The following PDE3A variants were observed in gnomAD, a reference collection of about 807,000 sequenced individuals.
PDE3A encodes the protein cGMP-inhibited 3',5'-cyclic phosphodiesterase 3A.
Under a neutral mutation model 98.3 loss-of-function variants are expected in PDE3A, and 43 were observed. The observed-to-expected ratio is 0.44, with a 90% CI of 0.34 to 0.56. The LOEUF (loss-of-function observed/expected upper bound fraction) is 0.56. PDE3A is among the 20% of genes least tolerant of loss of function. The pLI, the probability that PDE3A is intolerant of heterozygous loss-of-function variation, is 0.01. For missense variants in PDE3A, 1,427 were observed against 1,440.7 expected, an observed-to-expected ratio of 0.99 and a Z score of 0.15; for synonymous variants, 663 against 567.9, an observed-to-expected ratio of 1.17 and a Z score of -2.38.
intron 1 of PDE3A, among the ~76,000 whole-genome samples, chr12:20,383,864 A>T (rs548086545): frequency 2.6e-5 from 4 of 152,070 alleles, no homozygotes; most frequent in Admixed American, 6.6e-5. Flanking sequence ...CAAAGAAAGG[A>T]TGTTACCAGC....
chr12:20,421,503 G>A (rs547339747), intron 1 of PDE3A, among the ~76,000 whole-genome samples: 1 of 151,542 alleles, frequency 6.6e-6, no homozygotes, highest in South Asian at 2.1e-4. Flanking sequence ...CAATTATGTT[G>A]CCATCTATCT....
At chr12:20,371,291 G>C in intron 1 of PDE3A, 1 of 918,848 alleles carries the variant, frequency 1.1e-6, no homozygotes, top group Non-Finnish European at 1.3e-6. Flanking sequence ...GCATACCGAA[G>C]GGTATGCCTC....
chr12:20,368,958 G>T lies in PDE3A; in HGVS notation c.-327G>T, dbSNP rs1943399631. Among the ~76,000 whole-genome samples, 1 of 152,132 alleles carries T rather than the reference G, an allele frequency of 6.6e-6. No individual in the cohort carries two copies. The highest frequency in any genetic ancestry group is 2.4e-5 in the African/African-American group (1 of 41,450). ...GAGACCCCGGAGGATATAAGTCGGGGGTGGGGGTGGAGCAGAGAATCTGTG... is the reference window on the plus strand; with the variant it reads ...GAGACCCCGGAGGATATAAGTCGGGTGTGGGGGTGGAGCAGAGAATCTGTG... On this transcript the variant is annotated 5_prime_UTR_variant, in exon 1 of 16. Transcript: ENST00000359062.
chr12:20,377,540 T>C (rs1943594183), intron 1 of PDE3A, among the ~76,000 whole-genome samples: 1 of 151,812 alleles, frequency 6.6e-6, no homozygotes, highest in Non-Finnish European at 1.5e-5. Flanking sequence ...TCTATATTTT[T>C]AAAGATTTGT....
At position 20,369,246 on chromosome 12, in the gene PDE3A, G is replaced by A. The variant is rs990244685; in HGVS notation, c.-39G>A. 2 of 1,441,324 alleles carry A rather than the reference G, an allele frequency of 1.4e-6. No homozygotes were observed. The highest frequency in any genetic ancestry group is 1.4e-5 in the African/African-American group (1 of 70,034). 89.3% of individuals were successfully genotyped at this position (1,441,324 alleles called of 1,614,324 possible). A position where few individuals can be genotyped will look rare whatever the true frequency, so the allele number is the denominator to read the frequency against. ...GCGTGGGTCGGGGCGGGGGCGTCGG[G>A]GGGCCACTGGGAATTCAGTGAAGAG... On this transcript the variant is annotated 5_prime_UTR_variant, in exon 1 of 16. Coordinates refer to ENST00000359062, the MANE Select transcript of PDE3A (RefSeq NM_000921.5).
chr12:20,486,737 A>G (rs1312116115), intron 1 of PDE3A, among the ~76,000 whole-genome samples: 1 of 152,174 alleles, frequency 6.6e-6, no homozygotes, highest in Admixed American at 6.6e-5. Context: ...AGGTTCAAGC[A>G]ATTCTCATGC....
intron 1 of PDE3A, among the ~76,000 whole-genome samples, chr12:20,385,983 T>TAATATATATATATATAAATATATATATA (rs1565532260): frequency 1.4e-5 from 1 of 69,900 alleles, no homozygotes; most frequent in African/African-American, 5.0e-5. Flanking sequence ...TATTAATATA[T>TAATATATATATATATAAATATATATATA]AATATATATA....
At chr12:20,658,119 T>C (rs547072518) in intron 15 of PDE3A, among the ~76,000 whole-genome samples, 14 of 152,232 alleles carry the variant, frequency 9.2e-5, no homozygotes, top group Non-Finnish European at 1.9e-4. Flanking sequence ...TAATTTTTAA[T>C]TTGCTTTAAA....
At chr12:20,540,851 C>T in intron 1 of PDE3A, among the ~76,000 whole-genome samples, 1 of 151,950 alleles carries the variant, frequency 6.6e-6, no homozygotes, top group East Asian at 1.9e-4. Flanking sequence ...TTCTGGAATG[C>T]AATCAATGGT....
rs57410804 is a variant in PDE3A at position 20,403,051 on chromosome 12, A to T, written c.960+32807A>T. Among the ~76,000 whole-genome samples the T allele has an allele frequency of 1.1e-3, 174 of 152,332 alleles. 2 individuals are homozygous for T. The highest frequency in any genetic ancestry group is 4.2e-3 in the African/African-American group (173 of 41,576). On this transcript the variant is annotated intron_variant, in intron 1 of 15. Transcript: ENST00000359062. ...GTCTCATTTTTCTTTCTCCTTAAGG[A>T]ATGCCATCACATGAATTTTTATTGT...
At chr12:20,542,964 G>T (rs1046690231) in intron 1 of PDE3A, among the ~76,000 whole-genome samples, 3 of 151,962 alleles carry the variant, frequency 2.0e-5, no homozygotes, top group African/African-American at 2.4e-5. Context: ...TAATAAATGA[G>T]GCCTTTATTT....
chr12:20,575,700 A>C (rs1942913089), intron 2 of PDE3A, among the ~76,000 whole-genome samples: 1 of 151,988 alleles, frequency 6.6e-6, no homozygotes, highest in Non-Finnish European at 1.5e-5. Context: ...GTTAGGTCAC[A>C]AGGTCCTGTT....
chr12:20,587,686 G>A (rs529369310), intron 2 of PDE3A, among the ~76,000 whole-genome samples: 2 of 152,326 alleles, frequency 1.3e-5, no homozygotes, highest in African/African-American at 4.8e-5. Flanking sequence ...ATGGTTGAAA[G>A]AAGTATATAT....
At chr12:20,640,081 C>T in intron 10 of PDE3A, 124 bp downstream of exon 10, 1 of 545,232 alleles carries the variant, frequency 1.8e-6, no homozygotes, top group South Asian at 2.1e-5. Context: ...AATATGGAGA[C>T]ATCATATGGT....
chr12:20,668,751 A>T (rs1228465938), intron 15 of PDE3A, among the ~76,000 whole-genome samples: 106 of 151,486 alleles, frequency 7.0e-4, no homozygotes, highest in African/African-American at 2.4e-3. Context: ...GATGGGGAAA[A>T]AACAGAACAG....
chr12:20,462,454 G>C (rs1312524904), intron 1 of PDE3A, among the ~76,000 whole-genome samples: 4 of 152,156 alleles, frequency 2.6e-5, no homozygotes, highest in African/African-American at 9.7e-5. Flanking sequence ...TTGTGCCACT[G>C]AACTCCAGCC....
chr12:20,663,162 G>C (rs1396813852), intron 15 of PDE3A, among the ~76,000 whole-genome samples: 1 of 152,186 alleles, frequency 6.6e-6, no homozygotes, highest in Non-Finnish European at 1.5e-5. Flanking sequence ...TTGAGGTCTG[G>C]GAACCTCCAC....
intron 6 of PDE3A, among the ~76,000 whole-genome samples, chr12:20,631,457 C>T (rs1944374707): frequency 6.6e-6 from 1 of 152,076 alleles, no homozygotes; most frequent in African/African-American, 2.4e-5. Flanking sequence ...GGTTAACACC[C>T]AAGAATTGCC....
chr12:20,524,217 G>C (rs1946477399), intron 1 of PDE3A, among the ~76,000 whole-genome samples: 1 of 152,186 alleles, frequency 6.6e-6, no homozygotes, highest in Non-Finnish European at 1.5e-5. Context: ...ACTGTGTTTA[G>C]GTTTCAGTGA....
Sources: allele counts gnomAD v4.1 joint callset (sites outside exome capture counted in the v4.1 genomes callset), GRCh38; gene constraint gnomAD v4.1.1; transcripts MANE v1.5; gene names NCBI Gene and HGNC (gene_info 2026-07-23, HGNC 2026-07-21).